Variants in PPP2R3B observed in about 807,000 individuals in gnomAD.
The protein encoded by PPP2R3B is serine/threonine-protein phosphatase 2A regulatory subunit B'' subunit beta.
In PPP2R3B, 68 loss-of-function variants were observed where a neutral mutation model predicts 72.9. The ratio of observed to expected loss-of-function variants is 0.93; its 90% CI spans 0.77 to 1.14. The LOEUF (loss-of-function observed/expected upper bound fraction) is 1.14. Ranked by LOEUF, PPP2R3B falls within the 50% of genes most tolerant of loss-of-function variation. PPP2R3B has a pLI of 0.00. For missense variants in PPP2R3B, 1,018 were observed against 842.0 expected (o/e 1.21, Z -2.59); for synonymous variants, 466 against 375.8 (o/e 1.24, Z -2.78).
Position 334,322 on chromosome X carries a change from T to C in PPP2R3B, c.*45A>G. The stretch of plus-strand genomic sequence containing the variant: ...TACACGAGCCGCGGTGGCCCGGTGG[T>C]GGCACGTGGGGAGCGGCCCCGCGGC... On this transcript the variant is annotated 3_prime_UTR_variant, in exon 13 of 13. Transcript: ENST00000390665. 2 of 1,438,236 alleles carry C rather than the reference T, an allele frequency of 1.4e-6. No homozygotes were observed. The highest frequency in any genetic ancestry group is 2.8e-5 in the Admixed American group (1 of 36,200). 89.1% of individuals were successfully genotyped at this position (1,438,236 alleles called of 1,614,324 possible). A position where few individuals can be genotyped will look rare whatever the true frequency, so the allele number is the denominator to read the frequency against.
Position 340,858 on chromosome X carries a change from G to A in PPP2R3B, c.1258C>T (p.Gln420Ter). The A allele has an allele frequency of 6.2e-7, 1 of 1,612,114 alleles. No homozygotes were observed. Among genetic ancestry groups the A allele is most frequent in the Non-Finnish European group, 8.5e-7 (1 of 1,179,696 alleles). The change falls in exon 10 of 13, where the codon CAG becomes TAG. Residue 420 changes from glutamine (Q) to a stop codon, truncating the protein, a stop_gained. Coordinates refer to ENST00000390665, the MANE Select transcript of PPP2R3B (RefSeq NM_013239.5). LOFTEE classifies it high-confidence loss of function. ...MFELEYFYEE[Q>*]CRRLDSMAIE... ...GCCATGCTGTCCAGCCTTCGGCACT[G>A]CTCCTCGTAGAAGTACTCGAGCTCG...
At chrX:373,394 G>A (rs2071909965) in intron 1 of PPP2R3B, 3 of 152,208 alleles carry the variant, frequency 2.0e-5, no homozygotes, top group Non-Finnish European at 4.4e-5. Flanking sequence ...TAAATCTGGC[G>A]TTTGGGCCCC....
At chrX:374,917 G>T (rs2071956249) in intron 1 of PPP2R3B, among the ~76,000 whole-genome samples, 1 of 152,036 alleles carries the variant, frequency 6.6e-6, no homozygotes, top group Non-Finnish European at 1.5e-5. Flanking sequence ...CCCAACCCCC[G>T]CAAGCCCCGA....
chrX:379,446 G>C (rs2072077954), intron 1 of PPP2R3B, among the ~76,000 whole-genome samples: 1 of 151,802 alleles, frequency 6.6e-6, no homozygotes, highest in Admixed American at 6.6e-5. Context: ...ATGCACCTGT[G>C]TGTGTGTATG....
intron 1 of PPP2R3B, among the ~76,000 whole-genome samples, chrX:385,485 T>C (rs2072227155): frequency 1.3e-5 from 2 of 152,004 alleles, no homozygotes; most frequent in South Asian, 4.2e-4. Context: ...ACCTGCGGTG[T>C]ATAATCACCT....
At chrX:373,265 G>A (rs938461234) in intron 1 of PPP2R3B, among the ~76,000 whole-genome samples, 3 of 152,240 alleles carry the variant, frequency 2.0e-5, no homozygotes, top group Non-Finnish European at 4.4e-5. Flanking sequence ...GGAAAGGAGC[G>A]AGTGCTCTTT....
chrX:340,813 G>A lies in PPP2R3B; in HGVS notation c.1303C>T (p.Gln435Ter). The A allele has an allele frequency of 6.2e-7, 1 of 1,610,642 alleles. No homozygotes were observed. The highest frequency in any genetic ancestry group is 8.5e-7 in the Non-Finnish European group (1 of 1,179,380). Residue 435 changes from glutamine to a stop codon, truncating the protein, a stop_gained, in exon 10 of 13, where the codon CAG becomes TAG. Transcript: ENST00000390665. LOFTEE classifies it high-confidence loss of function. ...TCCAGCATCTGGCAGAGGCAGTCCT[G>A]GAAGGGCAGGGCCTCGATGGCCATG... ...DSMAIEALPF[Q>*]DCLCQMLDLV...
Position 363,638 on chromosome X carries a change from CCA to C in PPP2R3B, c.325-2050_325-2049del, listed in dbSNP as rs775145130. Among the ~76,000 whole-genome samples, 424 of 140,178 alleles carry C rather than the reference CCA, an allele frequency of 3.0e-3. 3 individuals carry two copies. Among genetic ancestry groups the C allele is most frequent in the African/African-American group, 0.011 (380 of 35,746 alleles). 92.0% of individuals were successfully genotyped at this position (140,178 alleles called of 152,430 possible). A position where few individuals can be genotyped will look rare whatever the true frequency, so the allele number is the denominator to read the frequency against. On this transcript the variant is annotated intron_variant, in intron 1 of 12. Coordinates refer to ENST00000390665, the MANE Select transcript of PPP2R3B (RefSeq NM_013239.5). The stretch of plus-strand genomic sequence containing the variant: ...AATGCATCTCCCCGAGCCCACCATC[CCA>C]CAGTCATCTCCCTGTGCCCACCATC...
At chrX:335,645 G>A (rs2124536240) in intron 12 of PPP2R3B, 1 of 152,374 alleles carries the variant, frequency 6.6e-6, no homozygotes, top group East Asian at 1.9e-4. Flanking sequence ...GTCGCTGCCT[G>A]AAGATACTCA....
intron 1 of PPP2R3B, among the ~76,000 whole-genome samples, chrX:370,725 C>A (rs1291300297): frequency 1.3e-5 from 2 of 152,178 alleles, no homozygotes; most frequent in Admixed American, 1.3e-4. Flanking sequence ...CCTGGCCAAA[C>A]CAAAGGCTGC....
chrX:350,409 G>T (rs1292975938), intron 2 of PPP2R3B, among the ~76,000 whole-genome samples: 1 of 152,216 alleles, frequency 6.6e-6, no homozygotes, highest in African/African-American at 2.4e-5. Flanking sequence ...AGGACTCAGG[G>T]TCAGCTACCG....
In PPP2R3B at chrX:346,687, C is replaced by T; in HGVS notation, c.792+14G>A. 6.3e-7 allele frequency: 1 copy of T among 1,599,966 alleles called. No homozygotes were observed. The highest frequency in any genetic ancestry group is 8.5e-7 in the Non-Finnish European group (1 of 1,171,406). On this transcript the variant is annotated intron_variant, in intron 5 of 12. Coordinates refer to ENST00000390665, the MANE Select transcript of PPP2R3B (RefSeq NM_013239.5). ...CCCGCGCTGGAACCGACGGCCCCTC[C>T]GCTGGGGACCCACCGTGGTGATGTA...
intron 1 of PPP2R3B, among the ~76,000 whole-genome samples, chrX:368,898 GA>G (rs1158412106): frequency 2.0e-5 from 3 of 150,286 alleles, no homozygotes; most frequent in African/African-American, 7.4e-5. Flanking sequence ...CCGACGGGGG[GA>G]AAGCCGGGAC....
chrX:347,678 G>C lies in PPP2R3B; in HGVS notation c.526C>G (p.Leu176Val), dbSNP rs1487337864. Reference sequence around the variant, plus strand: ...TAGAAGAGCGGCCCCTTCCAGTAGAGGGGGCAGCCGCAGGCCTGGGGCAGA... The same window carrying C: ...TAGAAGAGCGGCCCCTTCCAGTAGACGGGGCAGCCGCAGGCCTGGGGCAGA... ...GLVAKACGCP[L>V]YWKGPLFYGA... is the part of the protein sequence containing the mutation. Residue 176 changes from leucine to valine, a missense_variant, in exon 3 of 13, where the codon CTC (leucine) becomes GTC (valine). Physicochemically the swap from Leu to Val is conservative, Grantham distance 32. Transcript: ENST00000390665. 1.3e-6 allele frequency: 2 copies of C among 1,543,088 alleles called. No individual in the cohort carries two copies. Among genetic ancestry groups the C allele is most frequent in the East Asian group, 2.4e-5 (1 of 41,828 alleles).
intron 1 of PPP2R3B, among the ~76,000 whole-genome samples, chrX:381,336 C>T (rs1249818076): frequency 7.2e-5 from 11 of 152,148 alleles, no homozygotes; most frequent in Admixed American, 5.2e-4. Context: ...ACGATGAAGG[C>T]GTAGGTAACG....
At chrX:374,539 G>A (rs1417752297) in intron 1 of PPP2R3B, among the ~76,000 whole-genome samples, 6 of 152,186 alleles carry the variant, frequency 3.9e-5, no homozygotes, top group Admixed American at 2.6e-4. Flanking sequence ...AAAGGGGGAC[G>A]GGCAACTTTA....
At chrX:341,622 C>G (rs564508997) in intron 8 of PPP2R3B, 15 of 641,958 alleles carry the variant, frequency 2.3e-5, no homozygotes, top group African/African-American at 1.3e-4. Flanking sequence ...TTCGTTACTG[C>G]TCACTCAGGC....
chrX:338,385 G>T (rs2070947448), intron 12 of PPP2R3B: 1 of 612,106 alleles, frequency 1.6e-6, no homozygotes, highest in African/African-American at 1.8e-5. Flanking sequence ...CGCGGGGAAT[G>T]ACGGGCAGAC....
intron 7 of PPP2R3B, 194 bp downstream of exon 7, chrX:345,322 C>T (rs747024520): frequency 7.3e-6 from 6 of 825,902 alleles, no homozygotes; most frequent in South Asian, 2.9e-5. Context: ...GAGGCGCACG[C>T]GGGGACCCAG....
Sources: gnomAD v4.1 joint callset for allele counts (sites outside exome capture counted in the v4.1 genomes callset) on GRCh38, gnomAD v4.1.1 for gene constraint, MANE v1.5 for transcripts, NCBI Gene and HGNC (gene_info 2026-07-23, HGNC 2026-07-21) for gene names.